Variants in TTC3 observed in about 807,000 individuals in gnomAD.
TTC3 encodes the protein tetratricopeptide repeat domain 3.
TTC3 carries 180 observed loss-of-function variants against 249.6 expected under a neutral mutation model. The observed-to-expected ratio is 0.72, with a 90% CI of 0.64 to 0.82. The LOEUF (loss-of-function observed/expected upper bound fraction) is 0.82. Among genes scored for constraint, TTC3 ranks in the 40% least tolerant of loss-of-function variants. The pLI, the probability that TTC3 is intolerant of heterozygous loss-of-function variation, is 0.00. For missense variants in TTC3, 2,061 were observed against 2,398.4 expected, an observed-to-expected ratio of 0.86 and a Z score of 2.94; for synonymous variants, 717 against 805.0, an observed-to-expected ratio of 0.89 and a Z score of 1.85.
intron 30 of TTC3, 78 bp from the exon 31 acceptor site, chr21:37,161,912 C>A: frequency 2.2e-6 from 2 of 925,310 alleles, no homozygotes; most frequent in South Asian, 2.0e-5. Context: ...TATAAGTATT[C>A]ATCAATTTTA....
chr21:37,180,448 A>G (rs956370750), intron 35 of TTC3, among the ~76,000 whole-genome samples: 71 of 151,622 alleles, frequency 4.7e-4, no homozygotes, highest in African/African-American at 1.6e-3. Context: ...TGATGAGTTC[A>G]TGTCCTTTGT....
intron 1 of TTC3, among the ~76,000 whole-genome samples, chr21:37,074,451 A>G (rs1232193348): frequency 1.3e-5 from 2 of 152,198 alleles, no homozygotes; most frequent in South Asian, 4.1e-4. Context: ...GAGACCTTTC[A>G]AAATATATGC....
chr21:37,119,711 CTT>C (rs1294430678), intron 11 of TTC3, among the ~76,000 whole-genome samples: 1 of 152,170 alleles, frequency 6.6e-6, no homozygotes, highest in East Asian at 1.9e-4. Flanking sequence ...TTCATACTCT[CTT>C]TTGTTGCCTT....
intron 1 of TTC3, among the ~76,000 whole-genome samples, chr21:37,081,407 C>T (rs2071642250): frequency 6.6e-6 from 1 of 152,036 alleles, no homozygotes; most frequent in Non-Finnish European, 1.5e-5. Flanking sequence ...TGAGCCACTG[C>T]ACCCAGCCTA....
At chr21:37,188,855 C>A (rs1210355176) in intron 39 of TTC3, among the ~76,000 whole-genome samples, 1 of 152,022 alleles carries the variant, frequency 6.6e-6, no homozygotes, top group African/African-American at 2.4e-5. Flanking sequence ...ATTATTTTTA[C>A]TAAATAGTAT....
rs547971505 is a variant in TTC3, at chr21:37,163,507, C to T, written c.3171-544C>T. On this transcript the variant is annotated intron_variant, in intron 31 of 45. Transcript: ENST00000355666. ...CTGGGATTACAGCCATGCGCCATGACGCCTGGCTAATTTTGTATTTTTATT... is the reference window on the plus strand; with the variant it reads ...CTGGGATTACAGCCATGCGCCATGATGCCTGGCTAATTTTGTATTTTTATT... 3.9e-5 allele frequency among the ~76,000 whole-genome samples: 6 copies of T among 152,286 alleles called. No individual in the cohort carries two copies. In the South Asian group the frequency reaches 1.0e-3, roughly 26 times the overall value.
chr21:37,126,331 G>A (rs1217251544), intron 15 of TTC3, among the ~76,000 whole-genome samples, 188 bp downstream of exon 15: 5 of 152,062 alleles, frequency 3.3e-5, no homozygotes, highest in Non-Finnish European at 1.5e-5. Context: ...ATTATTTAGT[G>A]AATGTAATTT....
intron 11 of TTC3, among the ~76,000 whole-genome samples, chr21:37,112,652 A>G (rs1237376123): frequency 3.3e-5 from 5 of 152,220 alleles, no homozygotes; most frequent in Non-Finnish European, 2.9e-5. Context: ...AACTATTCCA[A>G]TCAATAGAAA....
chr21:37,090,290 A>C lies in TTC3; in HGVS notation c.480+4A>C, dbSNP rs1238930427. The C allele has an allele frequency of 6.2e-7, 1 of 1,603,564 alleles. No homozygotes were observed. The highest frequency in any genetic ancestry group is 8.5e-7 in the Non-Finnish European group (1 of 1,174,016). Reference sequence around the variant, plus strand: ...AATTGGTTGTAAAATAGAAAATGTAAGTGTTAAACACTGAAACTGGCACAG... The same window carrying C: ...AATTGGTTGTAAAATAGAAAATGTACGTGTTAAACACTGAAACTGGCACAG... On this transcript the variant is annotated splice_donor_region_variant and intron_variant, in intron 6 of 45. Coordinates refer to ENST00000355666, the Ensembl canonical transcript of TTC3.
At chr21:37,154,821 G>A (rs1320817842) in intron 27 of TTC3, among the ~76,000 whole-genome samples, 3 of 151,990 alleles carry the variant, frequency 2.0e-5, no homozygotes, top group East Asian at 3.9e-4. Flanking sequence ...TCAGCCTCCC[G>A]AGCAGCTGGT....
chr21:37,093,941 A>G (rs2073623551), intron 7 of TTC3, 64 bp from the exon 8 acceptor site: 4 of 1,020,882 alleles, frequency 3.9e-6, no homozygotes, highest in Non-Finnish European at 6.1e-6. Flanking sequence ...GAATATTATC[A>G]ATACCAATTT....
chr21:37,170,636 G>A (rs2081683753), intron 34 of TTC3, among the ~76,000 whole-genome samples: 1 of 152,110 alleles, frequency 6.6e-6, no homozygotes, highest in South Asian at 2.1e-4. Context: ...CATTTAAAAA[G>A]CAGTTCTATA....
chr21:37,073,290 C>G (rs896254669), exon 1 of TTC3: 154 of 265,956 alleles, frequency 5.8e-4, no homozygotes, highest in Middle Eastern at 1.8e-3. Context: ...CGTGGAGGGC[C>G]GGAGGTGGCG....
intron 11 of TTC3, among the ~76,000 whole-genome samples, chr21:37,112,101 G>A (rs1291380467): frequency 6.6e-6 from 1 of 152,110 alleles, no homozygotes; most frequent in Non-Finnish European, 1.5e-5. Flanking sequence ...AAGCAGGAAA[G>A]ATCTAAAATT....
At chr21:37,189,145 G>A (rs2083669471) in intron 39 of TTC3, among the ~76,000 whole-genome samples, 1 of 152,290 alleles carries the variant, frequency 6.6e-6, no homozygotes, top group South Asian at 2.1e-4. Flanking sequence ...GCTTTCCATA[G>A]TAGCTATTAT....
intron 35 of TTC3, among the ~76,000 whole-genome samples, chr21:37,180,415 G>T (rs2082646477): frequency 6.6e-6 from 1 of 150,494 alleles, no homozygotes; most frequent in Non-Finnish European, 1.5e-5. Flanking sequence ...TTACACCATG[G>T]AATACTATGC....
At chr21:37,184,629 A>ATTTT (rs765134090) in intron 36 of TTC3, among the ~76,000 whole-genome samples, 50,525 of 121,010 alleles carry the variant, frequency 0.42, 10,370 homozygotes, top group South Asian at 0.52. Context: ...TAATTTTTCT[A>ATTTT]TTTTTTTTTT....
At chr21:37,119,931 C>A (rs2076451479) in intron 11 of TTC3, among the ~76,000 whole-genome samples, 1 of 152,168 alleles carries the variant, frequency 6.6e-6, no homozygotes, top group Non-Finnish European at 1.5e-5. Context: ...GAAAAGGAGA[C>A]CCTCTCTCAG....
chr21:37,193,745 G>A (rs1229772193), intron 41 of TTC3: 1 of 152,234 alleles, frequency 6.6e-6, no homozygotes, highest in African/African-American at 2.4e-5. Context: ...AAAGACTGAT[G>A]TGGGCTGTGC....
Sources: allele counts gnomAD v4.1 joint callset (sites outside exome capture counted in the v4.1 genomes callset), GRCh38; gene constraint gnomAD v4.1.1; transcripts MANE v1.5; gene names NCBI Gene and HGNC (gene_info 2026-07-23, HGNC 2026-07-21).